The following MTMR10 variants were observed in gnomAD, a reference collection of about 807,000 sequenced individuals.
MTMR10 encodes myotubularin related protein 10.
In MTMR10, 56 loss-of-function variants were observed where a neutral mutation model predicts 88.1. The observed-to-expected ratio is 0.64, with a 90% confidence interval of 0.51 to 0.79. The LOEUF (loss-of-function observed/expected upper bound fraction) is 0.79. MTMR10 is among the 30% of genes least tolerant of loss of function. MTMR10 has a pLI of 0.00. For synonymous variants in MTMR10, 380 were observed against 340.9 expected (o/e 1.11, Z -1.26); for missense variants, 883 against 924.7 (o/e 0.95, Z 0.58).
At chr15:30,943,670 A>G in intron 14 of MTMR10, 12 of 985,440 alleles carry the variant, frequency 1.2e-5, no homozygotes, top group African/African-American at 1.7e-5. Context: ...CCCCTCCTTC[A>G]CAGGAGTCCA....
At chr15:30,954,989 G>A in intron 9 of MTMR10, 96 bp from the exon 10 acceptor site, 2 of 1,072,980 alleles carry the variant, frequency 1.9e-6, no homozygotes, top group East Asian at 3.0e-5. Context: ...AGAGGAATGA[G>A]ACAGGTAAGG....
chr15:30,935,317 GAAAA>G (rs1031375626), downstream of MTMR10, among the ~76,000 whole-genome samples: 128 of 151,086 alleles, frequency 8.5e-4, 1 homozygote, highest in African/African-American at 2.9e-3. Context: ...CAAAAAAAAA[GAAAA>G]AAAGAAAAAG....
At chr15:30,928,153 C>T in the MTMR10 span, 42 of 1,013,818 alleles carry the variant, frequency 4.1e-5, no homozygotes, top group East Asian at 2.0e-3. Context: ...CAGGGACCTC[C>T]GGCATCAGGG....
At chr15:30,957,231 C>T in intron 9 of MTMR10, among the ~76,000 whole-genome samples, 1 of 151,408 alleles carries the variant, frequency 6.6e-6, no homozygotes, top group Non-Finnish European at 1.5e-5. Flanking sequence ...TAACGGTGTG[C>T]AAAACAGACA....
chr15:30,968,866 T>G (rs1320485885), intron 5 of MTMR10, among the ~76,000 whole-genome samples: 1 of 152,146 alleles, frequency 6.6e-6, no homozygotes. Flanking sequence ...CTAGATAGAA[T>G]GAAGGATGGT....
chr15:30,940,824 C>T lies in MTMR10; in HGVS notation c.*646G>A. On this transcript the variant is annotated 3_prime_UTR_variant, in exon 16 of 16. Transcript: ENST00000435680. ...TATTTGTATCCTAAAGTCAAAGGCA[C>T]TTCTAAGTTTAATTATCTGCAGCAA... is the stretch of plus-strand genomic sequence containing the variant. 1 of 988,566 alleles carries T rather than the reference C, an allele frequency of 1.0e-6. No homozygotes were observed. The highest frequency in any genetic ancestry group is 1.2e-6 in the Non-Finnish European group (1 of 831,710). The allele number at this position is 988,566 out of a possible 1,614,324, so 61.2% of individuals were successfully genotyped here.
chr15:30,964,499 T>C lies in MTMR10; in HGVS notation c.565+3421A>G, dbSNP rs2063449139. Among the ~76,000 whole-genome samples, 2 of 152,228 alleles carry C rather than the reference T, an allele frequency of 1.3e-5. 1 individual carries two copies. Among genetic ancestry groups the C allele is most frequent in the South Asian group, 4.1e-4 (2 of 4,832 alleles). On this transcript the variant is annotated intron_variant, in intron 6 of 15. Coordinates refer to ENST00000435680, the MANE Select transcript of MTMR10 (RefSeq NM_017762.3). Reference sequence around the variant, plus strand: ...ATTTCTCTCGTTCAAATCCTGTACTTTTCTAAACAACTGGGACTAGGTCTT... The same window carrying C: ...ATTTCTCTCGTTCAAATCCTGTACTCTTCTAAACAACTGGGACTAGGTCTT...
the MTMR10 span, among the ~76,000 whole-genome samples, chr15:30,918,901 C>G: frequency 6.6e-6 from 1 of 151,956 alleles, no homozygotes. Flanking sequence ...GTTGGGGTAC[C>G]GACCCCTCAG....
At chr15:30,925,862 C>T in the MTMR10 span, 1 of 1,614,198 alleles carries the variant, frequency 6.2e-7, no homozygotes, top group Non-Finnish European at 8.5e-7. Context: ...GCCGGGGAGG[C>T]CGCTGACCCC....
At chr15:30,920,941 G>A in the MTMR10 span, among the ~76,000 whole-genome samples, 1 of 152,130 alleles carries the variant, frequency 6.6e-6, no homozygotes, top group African/African-American at 2.4e-5. Context: ...GCGCCACCAT[G>A]CCTAGCTAAT....
chr15:30,949,282 C>T (rs1268889605), intron 12 of MTMR10: 1 of 152,184 alleles, frequency 6.6e-6, no homozygotes, highest in Non-Finnish European at 1.5e-5. Flanking sequence ...GATACTCTCT[C>T]CCTAAGATCA....
At position 30,939,670 on chromosome 15, in the gene MTMR10, AG is replaced by A. The variant is rs757216691; in HGVS notation, c.*1799del. Reference sequence around the variant, plus strand: ...ACTACAAGAGTTAAAATAAACGTGAAGGAAGAAAATTACAGAGGGAAAAATG... The same window carrying A: ...ACTACAAGAGTTAAAATAAACGTGAAGAAGAAAATTACAGAGGGAAAAATG... On this transcript the variant is annotated 3_prime_UTR_variant, in exon 16 of 16. Coordinates refer to ENST00000435680, the MANE Select transcript of MTMR10 (RefSeq NM_017762.3). 13 of 724,002 alleles carry A rather than the reference AG, an allele frequency of 1.8e-5. No individual in the cohort carries two copies. Among genetic ancestry groups the A allele is most frequent in the Non-Finnish European group, 2.2e-5 (13 of 598,058 alleles). The allele number at this position is 724,002 out of a possible 1,614,324, so 44.8% of individuals were successfully genotyped here.
At chr15:30,981,751 ATG>A (rs1203176110) in intron 2 of MTMR10, among the ~76,000 whole-genome samples, 6 of 152,342 alleles carry the variant, frequency 3.9e-5, no homozygotes, top group African/African-American at 1.2e-4. Flanking sequence ...GTATATTTCT[ATG>A]TTTAAAGAGC....
rs1033042190 is a variant in MTMR10, at chr15:30,954,773, T to C, written c.1056A>G (p.Leu352=). Residue 352 remains leucine, a synonymous_variant, in exon 10 of 16, where the codon CTA becomes CTG. Transcript: ENST00000435680. ...VQAAFVKLKQ[L]CVNEPFEETE... is the part of the protein sequence containing the mutation. ...TAAGAATGAAATTACCATTAACGCA[T>C]AGCTGCTTCAGTTTTACAAATGCTG... 8.7e-6 allele frequency: 14 copies of C among 1,601,366 alleles called. No homozygotes were observed. The highest frequency in any genetic ancestry group is 1.2e-5 in the Non-Finnish European group (14 of 1,174,626).
chr15:30,957,257 T>C (rs1334098384), intron 9 of MTMR10, among the ~76,000 whole-genome samples: 3 of 152,150 alleles, frequency 2.0e-5, no homozygotes, highest in Non-Finnish European at 2.9e-5. Context: ...CCTCATCTCA[T>C]GGAGTAAAAA....
At chr15:30,930,480 T>G in the MTMR10 span, 2 of 1,537,380 alleles carry the variant, frequency 1.3e-6, no homozygotes, top group East Asian at 4.6e-5. Context: ...TCGTGATCCC[T>G]GGAGCCTATT....
At chr15:30,948,754 T>C (rs8034856) in intron 12 of MTMR10, 132,086 of 473,354 alleles carry the variant, frequency 0.28, 20,307 homozygotes, top group Non-Finnish European at 0.33. Context: ...TGGTAGAAAA[T>C]CCGTCTAGAC....
At chr15:30,984,762 T>C (rs1261218636) in intron 2 of MTMR10, among the ~76,000 whole-genome samples, 1 of 152,226 alleles carries the variant, frequency 6.6e-6, no homozygotes, top group Non-Finnish European at 1.5e-5. Flanking sequence ...CTGTGAGCAC[T>C]GTAGATGCGA....
At chr15:30,966,148 G>A (rs2063469639) in intron 6 of MTMR10, 2 of 374,048 alleles carry the variant, frequency 5.3e-6, no homozygotes, top group East Asian at 7.8e-5. Flanking sequence ...GGAGTCTGAA[G>A]GATGTAATAT....
Sources: gnomAD v4.1 joint callset for allele counts (sites outside exome capture counted in the v4.1 genomes callset) on GRCh38, gnomAD v4.1.1 for gene constraint, MANE v1.5 for transcripts, NCBI Gene and HGNC (gene_info 2026-07-23, HGNC 2026-07-21) for gene names.